ROBO2: variants seen among roughly 807,000 people sequenced by gnomAD.
The protein encoded by ROBO2 is roundabout homolog 2.
In ROBO2, 53 loss-of-function variants were observed where a neutral mutation model predicts 160.8. The observed-to-expected ratio is 0.33, with a 90% CI of 0.26 to 0.41. The LOEUF (loss-of-function observed/expected upper bound fraction) is 0.41. Among genes scored for constraint, ROBO2 ranks in the 10% least tolerant of loss-of-function variants. The pLI is 1.00. For missense variants in ROBO2, 1,577 were observed against 1,722.4 expected (o/e 0.92, Z 1.49); for synonymous variants, 664 against 611.7 (o/e 1.09, Z -1.26).
At chr3:76,622,954 T>C (rs773698417) in intron 2 of ROBO2, among the ~76,000 whole-genome samples, 3 of 152,188 alleles carry the variant, frequency 2.0e-5, no homozygotes, top group Non-Finnish European at 4.4e-5. Flanking sequence ...TCCTCCGCTG[T>C]GTATTTCAGC....
intron 2 of ROBO2, among the ~76,000 whole-genome samples, chr3:76,752,157 C>G (rs919964793): frequency 6.6e-6 from 1 of 151,794 alleles, no homozygotes; most frequent in African/African-American, 2.4e-5. Context: ...ATGGATGAAG[C>G]CAGAAACCAT....
intron 2 of ROBO2, among the ~76,000 whole-genome samples, chr3:76,627,719 G>A (rs2089750596): frequency 6.6e-6 from 1 of 152,198 alleles, no homozygotes; most frequent in Non-Finnish European, 1.5e-5. Context: ...GTGTTTGGAA[G>A]GGAAGAGGAA....
chr3:77,642,121 T>C (rs1448126122), intron 24 of ROBO2, among the ~76,000 whole-genome samples: 1 of 152,164 alleles, frequency 6.6e-6, no homozygotes, highest in African/African-American at 2.4e-5. Context: ...AGCAGAATAT[T>C]AATTGCATTT....
chr3:76,546,546 G>A (rs1392030960), intron 2 of ROBO2, among the ~76,000 whole-genome samples: 1 of 151,914 alleles, frequency 6.6e-6, no homozygotes, highest in African/African-American at 2.4e-5. Context: ...TAGGGAAGAA[G>A]AGGAAGAAGG....
chr3:77,090,510 G>A (rs537785310), intron 1 of ROBO2, among the ~76,000 whole-genome samples: 2 of 151,316 alleles, frequency 1.3e-5, no homozygotes, highest in African/African-American at 4.8e-5. Context: ...CCACCACCAC[G>A]CCCGGCTAAC....
At chr3:76,922,626 G>A (rs946399619) in intron 2 of ROBO2, among the ~76,000 whole-genome samples, 4 of 152,262 alleles carry the variant, frequency 2.6e-5, no homozygotes, top group South Asian at 2.1e-4. Context: ...GAAAAGCAAC[G>A]ACCTATTTTA....
chr3:77,257,498 G>T (rs1458858880), intron 2 of ROBO2, among the ~76,000 whole-genome samples: 1 of 152,194 alleles, frequency 6.6e-6, no homozygotes, highest in African/African-American at 2.4e-5. Context: ...AGCTCGCATG[G>T]TATTTCAAAA....
intron 2 of ROBO2, among the ~76,000 whole-genome samples, chr3:76,910,293 A>G (rs139566178): frequency 6.6e-6 from 1 of 152,290 alleles, no homozygotes; most frequent in Non-Finnish European, 1.5e-5. Context: ...TACATCCTCA[A>G]CAACTTGTAG....
At chr3:75,963,701 T>C (rs963568707) in intron 2 of ROBO2, among the ~76,000 whole-genome samples, 3 of 151,684 alleles carry the variant, frequency 2.0e-5, no homozygotes, top group African/African-American at 7.3e-5. Flanking sequence ...ATATTTATTT[T>C]CTCACAGTTC....
chr3:77,068,106 C>G (rs778360028), intron 1 of ROBO2, among the ~76,000 whole-genome samples: 1 of 151,932 alleles, frequency 6.6e-6, no homozygotes, highest in African/African-American at 2.4e-5. Context: ...CAAAAACACA[C>G]CATTAGTCTT....
intron 4 of ROBO2, 75 bp from the exon 5 acceptor site, chr3:77,493,169 G>T: frequency 6.6e-7 from 1 of 1,526,112 alleles, no homozygotes; most frequent in South Asian, 1.1e-5. Context: ...GGTTTCCTTT[G>T]CTTTTTTCAT....
At chr3:76,707,736 T>C (rs1483549718) in intron 2 of ROBO2, among the ~76,000 whole-genome samples, 1 of 46,774 alleles carries the variant, frequency 2.1e-5, no homozygotes, top group Admixed American at 2.1e-4. Context: ...TGTGTGTATA[T>C]ATATATATAT....
At chr3:76,097,722 C>G (rs1340554330) in intron 2 of ROBO2, among the ~76,000 whole-genome samples, 1 of 152,148 alleles carries the variant, frequency 6.6e-6, no homozygotes, top group Admixed American at 6.5e-5. Context: ...GCAGCGAATA[C>G]ACATACACAA....
At chr3:77,434,101 A>C (rs1303109841) in intron 2 of ROBO2, among the ~76,000 whole-genome samples, 6 of 152,058 alleles carry the variant, frequency 3.9e-5, no homozygotes, top group African/African-American at 1.4e-4. Flanking sequence ...GAAAAAGTCC[A>C]ATAGCATTAA....
At chr3:77,222,054 T>A (rs868344352) in intron 2 of ROBO2, among the ~76,000 whole-genome samples, 6 of 151,914 alleles carry the variant, frequency 3.9e-5, no homozygotes, top group Middle Eastern at 3.2e-3. Flanking sequence ...AGTTTCACCA[T>A]GTTGGCCAGG....
intron 2 of ROBO2, among the ~76,000 whole-genome samples, chr3:76,377,256 T>A (rs1224263569): frequency 6.6e-6 from 1 of 152,108 alleles, no homozygotes; most frequent in Non-Finnish European, 1.5e-5. Context: ...GAAAATGAAA[T>A]CCATAATATT....
intron 2 of ROBO2, among the ~76,000 whole-genome samples, chr3:76,760,620 T>C (rs2061250821): frequency 6.6e-6 from 1 of 151,700 alleles, no homozygotes; most frequent in Admixed American, 6.6e-5. Context: ...TACTAACCTT[T>C]TGCTCTTACA....
intron 4 of ROBO2, among the ~76,000 whole-genome samples, chr3:77,487,856 T>G (rs2085562611): frequency 6.6e-6 from 1 of 152,202 alleles, no homozygotes; most frequent in Non-Finnish European, 1.5e-5. Context: ...TTTTTAAAAT[T>G]TTATGGTCAT....
At chr3:77,463,729 C>T (rs1374707536) in intron 2 of ROBO2, among the ~76,000 whole-genome samples, 1 of 152,038 alleles carries the variant, frequency 6.6e-6, no homozygotes, top group Non-Finnish European at 1.5e-5. Context: ...TACAGGCGCA[C>T]ACCATTACGC....
Sources: gnomAD v4.1 joint callset for allele counts (sites outside exome capture counted in the v4.1 genomes callset) on GRCh38, gnomAD v4.1.1 for gene constraint, MANE v1.5 for transcripts, NCBI Gene and HGNC (gene_info 2026-07-23, HGNC 2026-07-21) for gene names.